Variants in GLIS3 observed in about 807,000 individuals in gnomAD.
GLIS3 encodes GLIS family zinc finger 3.
GLIS3 carries 53 observed loss-of-function variants against 78.6 expected under a neutral mutation model. The ratio of observed to expected loss-of-function variants is 0.67; its 90% CI spans 0.54 to 0.85. The LOEUF (loss-of-function observed/expected upper bound fraction) is 0.85, where lower values mean the gene tolerates loss of function less well. Ranked by LOEUF, GLIS3 falls within the 40% of genes least tolerant of loss-of-function variation. GLIS3 has a pLI of 0.00. For missense variants in GLIS3, 1,703 were observed against 1,231.1 expected (o/e 1.38, Z -5.74); for synonymous variants, 684 against 509.9 (o/e 1.34, Z -4.60).
the GLIS3 span, among the ~76,000 whole-genome samples, chr9:4,372,394 C>A: frequency 6.6e-6 from 1 of 151,956 alleles, no homozygotes; most frequent in African/African-American, 2.4e-5. Context: ...ACTGCCCCTC[C>A]CATGGTTAGC....
At chr9:4,074,815 T>C (rs371242305) in intron 4 of GLIS3, among the ~76,000 whole-genome samples, 2 of 152,220 alleles carry the variant, frequency 1.3e-5, no homozygotes, top group East Asian at 3.8e-4. Context: ...TAACGAGATC[T>C]TGCCTCCATT....
intron 4 of GLIS3, among the ~76,000 whole-genome samples, chr9:4,023,222 G>A (rs1041968804): frequency 4.6e-5 from 7 of 152,098 alleles, no homozygotes; most frequent in Non-Finnish European, 8.8e-5. Flanking sequence ...TGAGCTATCT[G>A]CATTATCTGT....
intron 4 of GLIS3, among the ~76,000 whole-genome samples, chr9:4,031,741 A>T (rs569625330): frequency 2.0e-5 from 3 of 152,216 alleles, no homozygotes; most frequent in African/African-American, 7.2e-5. Context: ...AAATACTCCT[A>T]AAAGTATAAA....
chr9:3,917,851 G>A (rs1358983022), intron 6 of GLIS3, among the ~76,000 whole-genome samples: 1 of 152,158 alleles, frequency 6.6e-6, no homozygotes. Flanking sequence ...TATAATGGGA[G>A]TGAAGTGTTG....
At chr9:4,406,912 A>G in the GLIS3 span, among the ~76,000 whole-genome samples, 1 of 152,332 alleles carries the variant, frequency 6.6e-6, no homozygotes, top group African/African-American at 2.4e-5. Context: ...TCAAAATAAC[A>G]ATTACATTCT....
intron 4 of GLIS3, among the ~76,000 whole-genome samples, chr9:4,068,223 A>G (rs1827268610): frequency 6.6e-6 from 1 of 152,300 alleles, no homozygotes; most frequent in South Asian, 2.1e-4. Flanking sequence ...AAAATGCAAA[A>G]TGTAATAAAA....
At chr9:4,053,929 G>T (rs192096765) in intron 4 of GLIS3, among the ~76,000 whole-genome samples, 3 of 152,220 alleles carry the variant, frequency 2.0e-5, no homozygotes, top group Non-Finnish European at 2.9e-5. Context: ...TTTGCTTCAG[G>T]CTTTGAGTTT....
chr9:4,296,539 A>G (rs1433592013), intron 1 of GLIS3, among the ~76,000 whole-genome samples: 1 of 152,152 alleles, frequency 6.6e-6, no homozygotes, highest in East Asian at 1.9e-4. Context: ...TTCCAAGCAA[A>G]CCAACAAACC....
At chr9:4,196,925 GC>G (rs1035280219) in intron 2 of GLIS3, among the ~76,000 whole-genome samples, 1 of 152,098 alleles carries the variant, frequency 6.6e-6, no homozygotes, top group Non-Finnish European at 1.5e-5. Context: ...GTGCAGTAGG[GC>G]CCTCTCCGCT....
the GLIS3 span, among the ~76,000 whole-genome samples, chr9:4,460,676 A>G: frequency 6.6e-6 from 1 of 152,158 alleles, no homozygotes; most frequent in African/African-American, 2.4e-5. Context: ...GTAAGGCTCC[A>G]AAGAAAAATA....
rs1183144210 is a variant in GLIS3, at chr9:3,895,285, A to AGGCCT, written c.2128+3401_2128+3405dup. 3.9e-5 allele frequency among the ~76,000 whole-genome samples: 6 copies of AGGCCT among 152,362 alleles called. No homozygotes were observed. In the East Asian group the frequency reaches 1.2e-3, roughly 29 times the overall value. On this transcript the variant is annotated intron_variant, in intron 7 of 10. Coordinates refer to ENST00000381971, the MANE Select transcript of GLIS3 (RefSeq NM_001042413.2). ...TATCAGATAAATCATCTAAATTTACAGGCCTGGCCTGGGGCATTATTATAT... is the reference window on the plus strand; with the variant it reads ...TATCAGATAAATCATCTAAATTTACAGGCCTGGCCTGGCCTGGGGCATTATTATAT...
At chr9:4,255,979 T>G (rs957681622) in intron 2 of GLIS3, among the ~76,000 whole-genome samples, 1 of 152,174 alleles carries the variant, frequency 6.6e-6, no homozygotes, top group East Asian at 1.9e-4. Flanking sequence ...ATGGGAAATC[T>G]CTGTACCTGT....
chr9:4,328,419 A>G (rs1817633682), intron 2 of GLIS3, among the ~76,000 whole-genome samples: 1 of 152,180 alleles, frequency 6.6e-6, no homozygotes, highest in Non-Finnish European at 1.5e-5. Flanking sequence ...AGGGAGCACT[A>G]AGTGGAATCC....
At chr9:4,445,611 G>C in the GLIS3 span, among the ~76,000 whole-genome samples, 5 of 152,146 alleles carry the variant, frequency 3.3e-5, no homozygotes, top group African/African-American at 1.2e-4. Context: ...TCCCACCTGG[G>C]TGACAGAGCA....
At chr9:4,066,954 C>G (rs1238410620) in intron 4 of GLIS3, among the ~76,000 whole-genome samples, 1 of 152,192 alleles carries the variant, frequency 6.6e-6, no homozygotes, top group Non-Finnish European at 1.5e-5. Flanking sequence ...TTCAACAGCT[C>G]TGGCCCACCA....
At chr9:3,978,112 G>A (rs1818936877) in intron 4 of GLIS3, among the ~76,000 whole-genome samples, 1 of 152,196 alleles carries the variant, frequency 6.6e-6, no homozygotes, top group Admixed American at 6.5e-5. Context: ...GAAGCCCGCT[G>A]TAGAAGTTCC....
intron 4 of GLIS3, among the ~76,000 whole-genome samples, chr9:4,036,778 G>C (rs1308484296): frequency 6.6e-6 from 1 of 152,124 alleles, no homozygotes; most frequent in African/African-American, 2.4e-5. Flanking sequence ...AGAACTGTGG[G>C]TGATATACCA....
chr9:3,881,652 C>A (rs1368297265), intron 7 of GLIS3, among the ~76,000 whole-genome samples: 1 of 152,210 alleles, frequency 6.6e-6, no homozygotes, highest in Non-Finnish European at 1.5e-5. Flanking sequence ...GAAAAACCAT[C>A]CATCATCCAC....
At chr9:4,313,815 C>G (rs12554789) in intron 2 of GLIS3, among the ~76,000 whole-genome samples, 8,372 of 152,240 alleles carry the variant, frequency 0.055, 320 homozygotes, top group Admixed American at 0.11. Context: ...CTTGCATTTT[C>G]CACTGGGTGT....
Sources: gnomAD v4.1 joint callset for allele counts (sites outside exome capture counted in the v4.1 genomes callset) on GRCh38, gnomAD v4.1.1 for gene constraint, MANE v1.5 for transcripts, NCBI Gene and HGNC (gene_info 2026-07-23, HGNC 2026-07-21) for gene names.